ZFHX3: variants seen among roughly 807,000 people sequenced by gnomAD.
The protein encoded by ZFHX3 is zinc finger homeobox protein 3.
A neutral mutation model predicts 279.1 loss-of-function variants in ZFHX3; 42 were observed. That is an observed-to-expected ratio of 0.15 (90% CI 0.12 to 0.19). The LOEUF (loss-of-function observed/expected upper bound fraction) is 0.19, where lower values mean the gene tolerates loss of function less well. ZFHX3 is among the 10% of genes least tolerant of loss of function. The pLI is 1.00. For missense variants in ZFHX3, 4,981 were observed against 4,754.0 expected, an observed-to-expected ratio of 1.05 and a Z score of -1.40; for synonymous variants, 2,293 against 1,957.8, an observed-to-expected ratio of 1.17 and a Z score of -4.52.
At chr16:72,800,213 A>C in intron 7 of ZFHX3, 84 bp from the exon 8 acceptor site, 1 of 1,168,714 alleles carries the variant, frequency 8.6e-7, no homozygotes, top group Non-Finnish European at 1.3e-6. Flanking sequence ...AATAAGCAAA[A>C]TTAGCCTTCA....
chr16:73,012,777 G>A (rs551985965), intron 1 of ZFHX3, among the ~76,000 whole-genome samples: 4 of 152,224 alleles, frequency 2.6e-5, no homozygotes, highest in East Asian at 1.9e-4. Context: ...TTCCAAAATC[G>A]TGCTGTTAAG....
At chr16:72,843,544 C>CACAGTGAGG (rs1567543802) in intron 4 of ZFHX3, among the ~76,000 whole-genome samples, 1 of 141,114 alleles carries the variant, frequency 7.1e-6, no homozygotes, top group Non-Finnish European at 1.5e-5. Context: ...AAAAAAGCCA[C>CACAGTGAGG]ACAGTGAGGA....
rs1407501275 is a variant in ZFHX3, at chr16:72,889,895, T to C, written c.3284A>G (p.Tyr1095Cys). 2 of 1,613,976 alleles carry C rather than the reference T, an allele frequency of 1.2e-6. No individual in the cohort carries two copies. The highest frequency in any genetic ancestry group is 2.2e-5 in the East Asian group (1 of 44,870). Residue 1095 changes from tyrosine to cysteine, a missense_variant, in exon 4 of 10, where the codon TAC becomes TGC. By Grantham distance (194) the Tyr-to-Cys change is radical (BLOSUM62 -2). Transcript: ENST00000268489. ...SCYYHCVLCN[Y>C]STKAKLNLIQ... ...GAGGTTGAGCTTGGCCTTGGTGGAG[T>C]AGTTGCACAGAACGCAGTGGTAGTA...
intron 2 of ZFHX3, among the ~76,000 whole-genome samples, chr16:73,547,746 C>G (rs937447726): frequency 2.0e-4 from 31 of 152,156 alleles, no homozygotes; most frequent in Admixed American, 1.8e-3. Context: ...CCAGTCTGCC[C>G]CAGTGACACA....
intron 4 of ZFHX3, among the ~76,000 whole-genome samples, chr16:72,854,181 A>C (rs2037690906): frequency 6.6e-6 from 1 of 152,228 alleles, no homozygotes; most frequent in Admixed American, 6.5e-5. Flanking sequence ...AGATACTAGC[A>C]TAAAGGATAT....
intron 3 of ZFHX3, among the ~76,000 whole-genome samples, chr16:72,940,510 G>A (rs766488805): frequency 8.5e-5 from 13 of 152,086 alleles, no homozygotes; most frequent in Non-Finnish European, 1.8e-4. Context: ...AGGAAGACAC[G>A]GATGCCCCGG....
At chr16:73,774,438 C>T (rs555345521) in intron 1 of ZFHX3, among the ~76,000 whole-genome samples, 1 of 152,144 alleles carries the variant, frequency 6.6e-6, no homozygotes, top group Non-Finnish European at 1.5e-5. Context: ...ACACCAGGAC[C>T]CCAGAGTTGG....
intron 1 of ZFHX3, among the ~76,000 whole-genome samples, chr16:73,022,413 C>T (rs77767517): frequency 0.022 from 3,305 of 152,158 alleles, 59 homozygotes; most frequent in East Asian, 0.088. Flanking sequence ...AAGAAGAATA[C>T]GGAGCCGGGA....
At chr16:73,186,626 T>C (rs1967916050) in intron 5 of ZFHX3, among the ~76,000 whole-genome samples, 4 of 152,164 alleles carry the variant, frequency 2.6e-5, no homozygotes, top group Admixed American at 2.6e-4. Context: ...AACTTGGCCT[T>C]TTCTTCATGA....
intron 3 of ZFHX3, among the ~76,000 whole-genome samples, chr16:73,329,787 G>A (rs2015765278): frequency 6.6e-6 from 1 of 152,218 alleles, no homozygotes; most frequent in Non-Finnish European, 1.5e-5. Flanking sequence ...TCCCGGCCTT[G>A]TTTACATATC....
At chr16:72,921,264 AAGCTTCTAGGAGATGC>A (rs1301392696) in intron 3 of ZFHX3, among the ~76,000 whole-genome samples, 3 of 152,150 alleles carry the variant, frequency 2.0e-5, no homozygotes, top group Non-Finnish European at 2.9e-5. Flanking sequence ...GTCATCAACG[AAGCTTCTAGGAGATGC>A]AGCTTCTAGG....
chr16:73,586,416 AC>A (rs1196764534), intron 2 of ZFHX3, among the ~76,000 whole-genome samples: 3 of 151,132 alleles, frequency 2.0e-5, no homozygotes, highest in Non-Finnish European at 2.9e-5. Context: ...AAACAAACAA[AC>A]AAACAAACAA....
intron 1 of ZFHX3, among the ~76,000 whole-genome samples, chr16:72,981,837 A>G (rs1445487822): frequency 6.6e-6 from 1 of 151,608 alleles, no homozygotes; most frequent in African/African-American, 2.4e-5. Context: ...AGGGCACATA[A>G]CAATGCTTCT....
intron 1 of ZFHX3, among the ~76,000 whole-genome samples, chr16:72,983,718 AAG>A (rs199899534): frequency 0.14 from 20,426 of 151,098 alleles, 1,641 homozygotes; most frequent in Non-Finnish European, 0.19. Flanking sequence ...GAAAAAAAAA[AAG>A]AGAGAGAGAG....
Position 73,840,467 on chromosome 16 carries a change from C to T in ZFHX3, c.-1608+51184G>A, listed in dbSNP as rs115691845. On this transcript the variant is annotated intron_variant, in intron 1 of 17. Transcript: ENST00000641206. ...AACCTAATTTCACTCAGGTACACAA[C>T]GTAATTTTTCCTGGTCTGATCCTCA... is the stretch of plus-strand genomic sequence containing the variant. Among the ~76,000 whole-genome samples the T allele has an allele frequency of 1.9e-3, 290 of 152,290 alleles. 1 individual carries two copies. Among genetic ancestry groups the T allele is most frequent in the African/African-American group, 6.4e-3 (265 of 41,568 alleles).
At chr16:73,518,647 C>A (rs1161420256) in intron 2 of ZFHX3, among the ~76,000 whole-genome samples, 5 of 152,176 alleles carry the variant, frequency 3.3e-5, no homozygotes, top group East Asian at 1.9e-4. Context: ...GGAGATACAG[C>A]AAACTCCTCT....
At chr16:73,783,992 G>A (rs1959556039) in intron 1 of ZFHX3, among the ~76,000 whole-genome samples, 1 of 152,134 alleles carries the variant, frequency 6.6e-6, no homozygotes, top group Admixed American at 6.5e-5. Context: ...ACAAGGAAAG[G>A]AGACAGAAGG....
At chr16:73,214,370 G>A (rs2012123028) in intron 5 of ZFHX3, among the ~76,000 whole-genome samples, 1 of 152,140 alleles carries the variant, frequency 6.6e-6, no homozygotes, top group Non-Finnish European at 1.5e-5. Flanking sequence ...CAGCCCTACA[G>A]TGTGACTGTG....
intron 2 of ZFHX3, among the ~76,000 whole-genome samples, chr16:73,500,917 C>T (rs1228437300): frequency 1.3e-5 from 2 of 152,104 alleles, no homozygotes; most frequent in Non-Finnish European, 2.9e-5. Context: ...CCTGAGTGTA[C>T]AATGCTTACA....
Sources: allele counts gnomAD v4.1 joint callset (sites outside exome capture counted in the v4.1 genomes callset), GRCh38; gene constraint gnomAD v4.1.1; transcripts MANE v1.5; gene names NCBI Gene and HGNC (gene_info 2026-07-23, HGNC 2026-07-21).